The following CDH4 variants were observed in gnomAD, a reference collection of about 807,000 sequenced individuals.
The protein encoded by CDH4 is cadherin-4.
A neutral mutation model predicts 86.0 loss-of-function variants in CDH4; 33 were observed. That is an observed-to-expected ratio of 0.38 (90% CI 0.29 to 0.51). CDH4 has a LOEUF of 0.51. CDH4 is among the 20% of genes least tolerant of loss of function. CDH4 has a pLI of 0.86. For synonymous variants in CDH4, 555 were observed against 549.4 expected (o/e 1.01, Z -0.14); for missense variants, 1,114 against 1,307.4 (o/e 0.85, Z 2.28).
chr20:61,912,664 G>T (rs1273390140), intron 9 of CDH4, among the ~76,000 whole-genome samples: 2 of 152,140 alleles, frequency 1.3e-5, no homozygotes, highest in African/African-American at 4.8e-5. Flanking sequence ...TTCAAGAGAG[G>T]CTATTTTTTC....
At chr20:61,936,543 C>A (rs926943551) in intron 15 of CDH4, among the ~76,000 whole-genome samples, 194 bp from the exon 16 acceptor site, 1 of 147,408 alleles carries the variant, frequency 6.8e-6, no homozygotes, top group Non-Finnish European at 1.5e-5. Flanking sequence ...AACACTCCCA[C>A]GCTCCATCTT....
chr20:61,480,296 G>A lies in CDH4; in HGVS notation c.169+225359G>A, dbSNP rs1483544494. Among the ~76,000 whole-genome samples, 5 of 152,066 alleles carry A rather than the reference G, an allele frequency of 3.3e-5. No homozygotes were observed. The highest frequency in any genetic ancestry group is 5.9e-5 in the Non-Finnish European group (4 of 68,014). ...AAGCGGAAGCCGGGGCAGCTGTGGC[G>A]CCCCCTGGCTGTGTCCTCTGCTTGG... On this transcript the variant is annotated intron_variant, in intron 2 of 15. Coordinates refer to ENST00000614565, the MANE Select transcript of CDH4 (RefSeq NM_001794.5). This position sits in a 1 kb window ranked among gnomAD's most constrained non-coding sequence, Gnocchi z 5.2.
intron 2 of CDH4, among the ~76,000 whole-genome samples, chr20:61,308,392 T>A (rs1211444220): frequency 6.6e-6 from 1 of 152,202 alleles, no homozygotes; most frequent in Non-Finnish European, 1.5e-5. Context: ...TGGGATCCGA[T>A]GTCTTTTGTG....
chr20:61,571,402 C>T lies in CDH4; in HGVS notation c.170-172161C>T, dbSNP rs79254246. Among the ~76,000 whole-genome samples the T allele has an allele frequency of 6.0e-3, 908 of 152,214 alleles. 3 individuals are homozygous for T. The highest frequency in any genetic ancestry group is 0.017 in the Middle Eastern group (5 of 294). ...CATCGGGTGAGCATCTCCTTGATGC[C>T]CAGAGGGTACCTGGGCTGTAGGTTT... is the stretch of plus-strand genomic sequence containing the variant. On this transcript the variant is annotated intron_variant, in intron 2 of 15. Coordinates refer to ENST00000614565, the MANE Select transcript of CDH4 (RefSeq NM_001794.5).
At chr20:61,924,614 G>A in intron 11 of CDH4, 138 bp downstream of exon 11, 4 of 913,272 alleles carry the variant, frequency 4.4e-6, no homozygotes, top group South Asian at 3.5e-5. Flanking sequence ...GGCTGAGGGG[G>A]CATCTGTGCA....
rs376639046 is a variant in CDH4, at chr20:61,791,915, A to G, written c.576+18733A>G. ...GGAAAGGGAGGGAGGGGCCTGGGGGAGGGCAGGAGCAGGTCCCAGGGCCCC... is the reference window on the plus strand; with the variant it reads ...GGAAAGGGAGGGAGGGGCCTGGGGGGGGGCAGGAGCAGGTCCCAGGGCCCC... On this transcript the variant is annotated intron_variant, in intron 4 of 15. Transcript: ENST00000614565. Among the ~76,000 whole-genome samples the G allele has an allele frequency of 1.0e-3, 152 of 151,738 alleles. 6 individuals carry two copies. The South Asian group carries it at 0.029, about 29-fold the overall frequency.
At chr20:61,752,793 G>T (rs979369805) in intron 3 of CDH4, among the ~76,000 whole-genome samples, 4 of 152,182 alleles carry the variant, frequency 2.6e-5, no homozygotes, top group African/African-American at 9.7e-5. Flanking sequence ...ACACGTGTCA[G>T]CCGAGTGACC....
At chr20:61,726,734 C>T (rs1447680401) in intron 2 of CDH4, among the ~76,000 whole-genome samples, 2 of 151,442 alleles carry the variant, frequency 1.3e-5, no homozygotes, top group Non-Finnish European at 2.9e-5. Flanking sequence ...GCCATCATCA[C>T]CATTGCTGCC....
At chr20:61,268,141 G>T (rs1375259914) in intron 2 of CDH4, among the ~76,000 whole-genome samples, 2 of 152,274 alleles carry the variant, frequency 1.3e-5, no homozygotes, top group African/African-American at 4.8e-5. Flanking sequence ...TCTGTGTTGG[G>T]CAGCTGGAGA....
At chr20:61,628,197 T>C (rs919249746) in intron 2 of CDH4, among the ~76,000 whole-genome samples, 3 of 152,178 alleles carry the variant, frequency 2.0e-5, no homozygotes, top group Admixed American at 6.5e-5. Context: ...CGGTTTCCCC[T>C]TCCCAGGACC....
intron 2 of CDH4, chr20:61,570,550 T>C: frequency 1.5e-6 from 1 of 648,890 alleles, no homozygotes; most frequent in Middle Eastern, 2.5e-4. Context: ...CTGCTTTACA[T>C]CCAAGCGTTG....
intron 2 of CDH4, among the ~76,000 whole-genome samples, chr20:61,408,754 T>A (rs2085098372): frequency 1.3e-5 from 2 of 151,954 alleles, no homozygotes; most frequent in Admixed American, 1.3e-4. Flanking sequence ...TGATGGAGAG[T>A]GAAGCAGCTT....
chr20:61,606,487 A>C (rs2086646670), intron 2 of CDH4, among the ~76,000 whole-genome samples: 1 of 152,208 alleles, frequency 6.6e-6, no homozygotes, highest in Non-Finnish European at 1.5e-5. Flanking sequence ...ACAGTCTCTC[A>C]GCTAAAATAG....
chr20:61,715,571 T>C (rs1275922763), intron 2 of CDH4, among the ~76,000 whole-genome samples: 1 of 152,216 alleles, frequency 6.6e-6, no homozygotes, highest in Non-Finnish European at 1.5e-5. Context: ...GAGCCCTGAT[T>C]AATCCATTCA....
chr20:61,655,165 G>A lies in CDH4; in HGVS notation c.170-88398G>A, dbSNP rs2087173716. Among the ~76,000 whole-genome samples the A allele has an allele frequency of 2.0e-5, 3 of 152,362 alleles. No individual in the cohort carries two copies. In the South Asian group the frequency reaches 6.2e-4, roughly 32 times the overall value. ...CGTAATTATGTATGCAGGCATATAT[G>A]TGTATATGTCTGCTTGTGTGTATTT... On this transcript the variant is annotated intron_variant, in intron 2 of 15. Coordinates refer to ENST00000614565, the MANE Select transcript of CDH4 (RefSeq NM_001794.5).
intron 2 of CDH4, among the ~76,000 whole-genome samples, chr20:61,633,711 G>A (rs2145791744): frequency 6.6e-6 from 1 of 152,230 alleles, no homozygotes; most frequent in Non-Finnish European, 1.5e-5. Flanking sequence ...GGAAGTGACA[G>A]GAGCACCTGC....
intron 2 of CDH4, among the ~76,000 whole-genome samples, chr20:61,321,462 T>TC (rs11483858): frequency 0.42 from 63,812 of 151,962 alleles, 13,647 homozygotes; most frequent in Middle Eastern, 0.61. Context: ...TTGTTAAGTT[T>TC]TCCTTAAAAC....
At chr20:61,415,753 G>T (rs1397041108) in intron 2 of CDH4, among the ~76,000 whole-genome samples, 1 of 152,070 alleles carries the variant, frequency 6.6e-6, no homozygotes, top group Non-Finnish European at 1.5e-5. Context: ...AGGCCGAAGT[G>T]CAGTGGCACA....
chr20:61,361,546 T>G (rs1443474880), intron 2 of CDH4, among the ~76,000 whole-genome samples: 2 of 152,196 alleles, frequency 1.3e-5, no homozygotes, highest in Admixed American at 1.3e-4. Flanking sequence ...AGCATCTGTC[T>G]ACTGGCTTTG....
Sources: gnomAD v4.1 joint callset for allele counts (sites outside exome capture counted in the v4.1 genomes callset) on GRCh38, gnomAD v4.1.1 for gene constraint, Gnocchi (gnomAD v3.1) non-coding constraint, MANE v1.5 for transcripts, NCBI Gene and HGNC (gene_info 2026-07-23, HGNC 2026-07-21) for gene names.